Variants in PDE4D observed in about 807,000 individuals in gnomAD.
PDE4D encodes phosphodiesterase 4D.
Under a neutral mutation model 87.4 loss-of-function variants are expected in PDE4D, and 24 were observed. The observed-to-expected ratio is 0.27, with a 90% CI of 0.20 to 0.39. The LOEUF (loss-of-function observed/expected upper bound fraction) is 0.39, where lower values mean the gene tolerates loss of function less well. Among genes scored for constraint, PDE4D ranks in the 10% least tolerant of loss-of-function variants. The pLI is 1.00. For synonymous variants in PDE4D, 384 were observed against 383.2 expected (o/e 1.00, Z -0.02); for missense variants, 714 against 1,041.0 (o/e 0.69, Z 4.32).
At chr5:59,313,345 G>A (rs543026385) in intron 1 of PDE4D, among the ~76,000 whole-genome samples, 1 of 152,186 alleles carries the variant, frequency 6.6e-6, no homozygotes, top group South Asian at 2.1e-4. Flanking sequence ...CCCTGGCAAT[G>A]TCTAAATGCC....
chr5:59,133,811 G>A (rs1369603135), intron 5 of PDE4D, among the ~76,000 whole-genome samples: 1 of 152,108 alleles, frequency 6.6e-6, no homozygotes, highest in Admixed American at 6.5e-5. Context: ...GATGGACAAA[G>A]GCTCTGTATT....
intron 1 of PDE4D, among the ~76,000 whole-genome samples, chr5:59,753,365 A>AT (rs899819796): frequency 5.9e-5 from 9 of 151,964 alleles, no homozygotes; most frequent in African/African-American, 1.7e-4. Flanking sequence ...GTCAAATATG[A>AT]TTTTTTCTGG....
rs552660299 is a variant in PDE4D at position 59,300,403 on chromosome 5, TTAA to T, written c.456-84438_456-84436del. Among the ~76,000 whole-genome samples, 288 of 152,268 alleles carry T rather than the reference TTAA, an allele frequency of 1.9e-3. 1 individual carries two copies. The highest frequency in any genetic ancestry group is 6.8e-3 in the African/African-American group (284 of 41,558). On this transcript the variant is annotated intron_variant, in intron 1 of 14. Coordinates refer to ENST00000340635, the MANE Select transcript of PDE4D (RefSeq NM_001104631.2). ...TGTGTGTGTACCTGACTTATATCACTTAATAATATGAACAGACTGAAGATAATG... is the reference window on the plus strand; with the variant it reads ...TGTGTGTGTACCTGACTTATATCACTTAATATGAACAGACTGAAGATAATG...
intron 2 of PDE4D, among the ~76,000 whole-genome samples, chr5:60,060,782 G>A (rs1328771085): frequency 6.6e-6 from 1 of 151,970 alleles, no homozygotes; most frequent in East Asian, 1.9e-4. Context: ...TTGGGGGTAG[G>A]TTTGCATAGA....
chr5:59,005,446 T>C (rs1286570704), intron 6 of PDE4D, among the ~76,000 whole-genome samples: 2 of 152,236 alleles, frequency 1.3e-5, no homozygotes, highest in African/African-American at 2.4e-5. Context: ...CAAAAATCTC[T>C]GAGCCAAATT....
intron 2 of PDE4D, among the ~76,000 whole-genome samples, chr5:60,067,559 TA>T: frequency 6.6e-6 from 1 of 152,154 alleles, no homozygotes. Context: ...AAAATTGTGC[TA>T]AAAACATTAA....
At chr5:60,497,623 C>T (rs988559541) in intron 1 of PDE4D, among the ~76,000 whole-genome samples, 2 of 152,056 alleles carry the variant, frequency 1.3e-5, no homozygotes, top group Admixed American at 1.3e-4. Flanking sequence ...AGGCTGATCT[C>T]AAACCCCTGG....
intron 1 of PDE4D, among the ~76,000 whole-genome samples, chr5:59,425,604 A>C (rs1049033203): frequency 3.2e-4 from 49 of 152,210 alleles, no homozygotes; most frequent in African/African-American, 1.2e-3. Flanking sequence ...GCTATAAAAA[A>C]GCAAATGTTA....
chr5:59,562,860 C>G (rs151186765), intron 1 of PDE4D, among the ~76,000 whole-genome samples: 2,148 of 151,948 alleles, frequency 0.014, 47 homozygotes, highest in African/African-American at 0.05. Flanking sequence ...AATTATATCT[C>G]GGTGGAATTG....
chr5:60,275,005 T>C (rs1325680925), intron 1 of PDE4D, among the ~76,000 whole-genome samples: 1 of 152,246 alleles, frequency 6.6e-6, no homozygotes, highest in East Asian at 1.9e-4. Context: ...TGAGACCTGC[T>C]GCCTCAGAAT....
intron 1 of PDE4D, among the ~76,000 whole-genome samples, chr5:59,786,097 C>T (rs923631359): frequency 6.6e-6 from 1 of 152,062 alleles, no homozygotes; most frequent in African/African-American, 2.4e-5. Flanking sequence ...CTGGCCTCCC[C>T]TCTCCCCATC....
At chr5:59,430,382 C>A (rs1795934519) in intron 1 of PDE4D, 2 of 1,231,146 alleles carry the variant, frequency 1.6e-6, no homozygotes, top group South Asian at 8.2e-5. Flanking sequence ...GCCACCTTCC[C>A]CAGAGTCAGG....
chr5:60,514,923 T>A (rs1243412144), intron 1 of PDE4D, among the ~76,000 whole-genome samples: 1 of 152,154 alleles, frequency 6.6e-6, no homozygotes, highest in African/African-American at 2.4e-5. Flanking sequence ...GACAATGTGA[T>A]TGTGTTATTG....
chr5:59,359,508 G>A lies in PDE4D; in HGVS notation c.456-143540C>T, dbSNP rs74966414. ...GCTACTTATTTCTGAGATTAATCAT[G>A]AGCAAAATTAAGCCTTGATTTCAAA... On this transcript the variant is annotated intron_variant, in intron 1 of 14. Coordinates refer to ENST00000340635, the MANE Select transcript of PDE4D (RefSeq NM_001104631.2). 4.4e-3 allele frequency among the ~76,000 whole-genome samples: 664 copies of A among 152,152 alleles called. 22 individuals carry two copies. The East Asian group carries it at 0.06, about 14-fold the overall frequency.
chr5:59,139,593 C>T (rs916534731), intron 5 of PDE4D, among the ~76,000 whole-genome samples: 6 of 152,042 alleles, frequency 3.9e-5, no homozygotes, highest in African/African-American at 1.5e-4. Flanking sequence ...GCTCTGCCTC[C>T]CAAGTAGCTG....
At chr5:60,185,514 T>G (rs908842802) in intron 2 of PDE4D, 3 of 1,319,366 alleles carry the variant, frequency 2.3e-6, no homozygotes, top group Non-Finnish European at 3.2e-6. Flanking sequence ...AAATGTTATA[T>G]GTACATGTGT....
chr5:59,413,539 T>C (rs1428774237), intron 1 of PDE4D, among the ~76,000 whole-genome samples: 1 of 151,572 alleles, frequency 6.6e-6, no homozygotes, highest in Non-Finnish European at 1.5e-5. Flanking sequence ...TACTATGCAG[T>C]GTCCTTCTTA....
chr5:59,202,601 A>G (rs1747746327), intron 2 of PDE4D, among the ~76,000 whole-genome samples: 1 of 151,940 alleles, frequency 6.6e-6, no homozygotes, highest in South Asian at 2.1e-4. Context: ...CAACTTCCAC[A>G]TGTCCTGAGA....
chr5:59,112,671 T>C (rs1006598113), intron 5 of PDE4D, among the ~76,000 whole-genome samples: 5 of 152,140 alleles, frequency 3.3e-5, no homozygotes, highest in African/African-American at 1.2e-4. Flanking sequence ...GCAACTGAGA[T>C]GAAGAATTTA....
Sources: allele counts gnomAD v4.1 joint callset (sites outside exome capture counted in the v4.1 genomes callset), GRCh38; gene constraint gnomAD v4.1.1; transcripts MANE v1.5; gene names NCBI Gene and HGNC (gene_info 2026-07-23, HGNC 2026-07-21).